The following STAMBP variants were observed in gnomAD, a reference collection of about 807,000 sequenced individuals.
STAMBP encodes the protein STAM binding protein.
Under a neutral mutation model 50.7 loss-of-function variants are expected in STAMBP, and 31 were observed. The observed-to-expected ratio is 0.61, with a 90% confidence interval of 0.46 to 0.83. STAMBP has a LOEUF of 0.83. STAMBP is among the 40% of genes least tolerant of loss of function. The pLI is 0.00. For synonymous variants in STAMBP, 211 were observed against 192.4 expected (o/e 1.10, Z -0.80); for missense variants, 472 against 518.9 (o/e 0.91, Z 0.88).
intron 7 of STAMBP, among the ~76,000 whole-genome samples, chr2:73,854,861 C>T (rs757143447): frequency 6.6e-6 from 1 of 152,048 alleles, no homozygotes; most frequent in Non-Finnish European, 1.5e-5. Flanking sequence ...TGGTGGCACA[C>T]GCCTGTGGTC....
At position 73,849,405 on chromosome 2, in the gene STAMBP, G is replaced by A. The variant is rs141557634; in HGVS notation, c.785G>A (p.Arg262Gln). Reference sequence around the variant, plus strand: ...TTGCGCCATGTGGTGGTGCCTGGGCGGCTGTGCCCACAGTTTCTCCAGTTA... The same window carrying A: ...TTGCGCCATGTGGTGGTGCCTGGGCAGCTGTGCCCACAGTTTCTCCAGTTA... Reference protein sequence around the residue: ...DGLRHVVVPGRLCPQFLQLAS... With the variant: ...DGLRHVVVPGQLCPQFLQLAS... Residue 262 changes from arginine (R) to glutamine (Q), a missense_variant, in exon 6 of 10, where the codon CGG (arginine) becomes CAG (glutamine). By Grantham distance (43) the Arg-to-Gln change is conservative. Transcript: ENST00000394070. 1.2e-4 allele frequency: 195 copies of A among 1,614,022 alleles called. 1 individual carries two copies. Among genetic ancestry groups the A allele is most frequent in the African/African-American group, 1.0e-3 (76 of 75,004 alleles).
chr2:73,837,817 G>A (rs775018678), intron 2 of STAMBP, among the ~76,000 whole-genome samples: 7 of 152,178 alleles, frequency 4.6e-5, no homozygotes, highest in Non-Finnish European at 1.0e-4. Context: ...ATAAGGCTAG[G>A]GAATGAGAAG....
intron 2 of STAMBP, among the ~76,000 whole-genome samples, chr2:73,839,494 T>G (rs1423509997): frequency 6.6e-6 from 1 of 152,188 alleles, no homozygotes; most frequent in Non-Finnish European, 1.5e-5. Context: ...GGATTGGGGT[T>G]TATAGACTGA....
rs1263887028 is a variant in STAMBP at position 73,833,262 on chromosome 2, C to T, written c.203+2203C>T. Among the ~76,000 whole-genome samples the T allele has an allele frequency of 3.3e-5, 5 of 152,196 alleles. No homozygotes were observed. The East Asian group carries it at 9.6e-4, about 29-fold the overall frequency. On this transcript the variant is annotated intron_variant, in intron 2 of 9. Transcript: ENST00000394070. ...GTAACCTAACTCTTATGTTAAGTTA[C>T]AGTTTGTTTATACATTAAATTAGGT...
chr2:73,847,612 G>A lies in STAMBP; in HGVS notation c.601G>A (p.Glu201Lys). 1.2e-6 allele frequency: 2 copies of A among 1,614,196 alleles called. No individual in the cohort carries two copies. The highest frequency in any genetic ancestry group is 8.5e-7 in the Non-Finnish European group (1 of 1,180,032). Residue 201 changes from glutamate to lysine, a missense_variant, in exon 5 of 10, where the codon GAG becomes AAG. Coordinates refer to ENST00000394070, the MANE Select transcript of STAMBP (RefSeq NM_213622.4). ...AGGTGGCCCGCTAGTGCCTGACTTG[G>A]AGAAGCCCTCCTTAGATGTGTTCCC... Reference protein sequence around the residue: ...GLGGPLVPDLEKPSLDVFPTL... With the variant: ...GLGGPLVPDLKKPSLDVFPTL...
At chr2:73,846,412 G>A (rs1295390543) in intron 4 of STAMBP, among the ~76,000 whole-genome samples, 1 of 151,832 alleles carries the variant, frequency 6.6e-6, no homozygotes, top group Non-Finnish European at 1.5e-5. Flanking sequence ...ACCAGCCTGG[G>A]CAACATGGTG....
chr2:73,840,432 A>G (rs1558566332), intron 2 of STAMBP, among the ~76,000 whole-genome samples: 1 of 151,824 alleles, frequency 6.6e-6, no homozygotes, highest in African/African-American at 2.4e-5. Flanking sequence ...TAGAGATAGA[A>G]TTGTGAGTTT....
intron 7 of STAMBP, among the ~76,000 whole-genome samples, chr2:73,855,958 G>A (rs1677499093): frequency 6.6e-6 from 1 of 152,188 alleles, no homozygotes. Context: ...TTTTCTGTCA[G>A]TGAAGGTTGG....
chr2:73,849,258 G>A (rs1167007499), intron 5 of STAMBP, 105 bp from the exon 6 acceptor site: 2 of 1,555,584 alleles, frequency 1.3e-6, no homozygotes, highest in African/African-American at 2.7e-5. Context: ...GAAGTTGGGG[G>A]AATCCCAGTG....
intron 7 of STAMBP, among the ~76,000 whole-genome samples, chr2:73,853,852 C>T (rs534822589): frequency 6.6e-6 from 1 of 152,354 alleles, no homozygotes; most frequent in South Asian, 2.1e-4. Context: ...GTCCTCCCTT[C>T]CTTGCTTCGT....
chr2:73,850,245 G>A lies in STAMBP; in HGVS notation c.868-131G>A, dbSNP rs1257287195. 1.2e-5 allele frequency: 14 copies of A among 1,215,028 alleles called. No individual in the cohort carries two copies. The highest frequency in any genetic ancestry group is 2.5e-5 in the Admixed American group (1 of 39,720). The allele number at this position is 1,215,028 out of a possible 1,614,324, so 75.3% of individuals were successfully genotyped here. A position where few individuals can be genotyped will look rare whatever the true frequency, so the allele number is the denominator to read the frequency against. ...AGCAGCCAAGGTTGTGAACCACTGA[G>A]TGGCAGGACTCCTGCTGTGTGGGAA... On this transcript the variant is annotated intron_variant, in intron 6 of 9. Transcript: ENST00000394070. This position sits in a 1 kb window ranked among gnomAD's most constrained non-coding sequence, Gnocchi z 4.3.
In STAMBP at chr2:73,844,827, A is replaced by G. The variant is rs192721019; in HGVS notation, c.218A>G (p.Lys73Arg). 7.5e-5 allele frequency: 121 copies of G among 1,614,024 alleles called. No individual in the cohort carries two copies. In the East Asian group the frequency reaches 2.5e-3, roughly 33 times the overall value. Residue 73 changes from lysine to arginine, a missense_variant, in exon 3 of 10, where the codon AAA becomes AGA. Physicochemically the swap from Lys to Arg is conservative, Grantham distance 26 (BLOSUM62 2). Coordinates refer to ENST00000394070, the MANE Select transcript of STAMBP (RefSeq NM_213622.4). The stretch of plus-strand genomic sequence containing the variant: ...TGTTTCCTTAGGCTCTTTATTGAGA[A>G]ACTACCAAAACATCGAGATTACAAA... ...YNKYITLFIE[K>R]LPKHRDYKSA... is the part of the protein sequence containing the mutation.
chr2:73,843,414 A>G lies in STAMBP; in HGVS notation c.204-1399A>G, dbSNP rs1301980209. 2.9e-5 allele frequency among the ~76,000 whole-genome samples: 4 copies of G among 138,166 alleles called. No individual in the cohort carries two copies. In the East Asian group the frequency reaches 8.7e-4, roughly 30 times the overall value. 90.6% of individuals were successfully genotyped at this position (138,166 alleles called of 152,430 possible). ...TATATATGTTTGTGTATGTATATAT[A>G]TATATGTATATATATATATAAATTA... On this transcript the variant is annotated intron_variant, in intron 2 of 9. Coordinates refer to ENST00000394070, the MANE Select transcript of STAMBP (RefSeq NM_213622.4).
At chr2:73,844,370 G>A (rs1207887735) in intron 2 of STAMBP, among the ~76,000 whole-genome samples, 1 of 152,186 alleles carries the variant, frequency 6.6e-6, no homozygotes, top group Non-Finnish European at 1.5e-5. Context: ...AAAGTTAAAG[G>A]TTACATAAGA....
At chr2:73,843,406 G>GTATATATATATATATATATATATATATA (rs773798563) in intron 2 of STAMBP, among the ~76,000 whole-genome samples, 23 of 129,926 alleles carry the variant, frequency 1.8e-4, no homozygotes, top group African/African-American at 7.3e-4. Context: ...GTTTGTGTAT[G>GTATATATATATATATATATATATATATA]TATATATATA....
intron 7 of STAMBP, among the ~76,000 whole-genome samples, chr2:73,851,860 G>A (rs373336024): frequency 6.6e-6 from 1 of 151,916 alleles, no homozygotes; most frequent in Non-Finnish European, 1.5e-5. Flanking sequence ...GACTGGTCTC[G>A]AACTACTGAT....
At position 73,850,332 on chromosome 2, in the gene STAMBP, A is replaced by C. The variant is rs142082327; in HGVS notation, c.868-44A>C. The C allele has an allele frequency of 1.9e-6, 3 of 1,580,658 alleles. No homozygotes were observed. The highest frequency in any genetic ancestry group is 2.7e-5 in the African/African-American group (2 of 74,026). On this transcript the variant is annotated intron_variant, in intron 6 of 9. Coordinates refer to ENST00000394070, the MANE Select transcript of STAMBP (RefSeq NM_213622.4). The surrounding 1 kb of genome is among the most constrained non-coding windows in gnomAD (Gnocchi z 4.3). The stretch of plus-strand genomic sequence containing the variant: ...TCGGGATGGAGTGGAGCAGGGTTGC[A>C]TGAGCACCAGGGAATTGTGACCAGC...
Position 73,847,555 on chromosome 2 carries a change from G to T in STAMBP, c.544G>T (p.Val182Leu). 1 of 1,614,158 alleles carries T rather than the reference G, an allele frequency of 6.2e-7. No homozygotes were observed. Among genetic ancestry groups the T allele is most frequent in the Non-Finnish European group, 8.5e-7 (1 of 1,180,034 alleles). The change falls in exon 5 of 10, where the codon GTA (valine) becomes TTA (leucine). Residue 182 changes from valine to leucine, a missense_variant. Physicochemically the swap from Val to Leu is conservative, Grantham distance 32. Coordinates refer to ENST00000394070, the MANE Select transcript of STAMBP (RefSeq NM_213622.4). Reference sequence around the variant, plus strand: ...GCTAGAAAAAGAGCGACTGAAAATTGTACAGGAGTTTGGGAAGGTAGACCC... The same window carrying T: ...GCTAGAAAAAGAGCGACTGAAAATTTTACAGGAGTTTGGGAAGGTAGACCC... ...QELEKERLKI[V>L]QEFGKVDPGL...
intron 2 of STAMBP, among the ~76,000 whole-genome samples, chr2:73,840,973 C>T (rs2104392687): frequency 6.6e-6 from 1 of 152,230 alleles, no homozygotes; most frequent in South Asian, 2.1e-4. Flanking sequence ...AACCTTTACG[C>T]CTTTGCCAAT....
Sources: allele counts gnomAD v4.1 joint callset (sites outside exome capture counted in the v4.1 genomes callset), GRCh38; gene constraint gnomAD v4.1.1; non-coding constraint Gnocchi (gnomAD v3.1); transcripts MANE v1.5; gene names NCBI Gene and HGNC (gene_info 2026-07-23, HGNC 2026-07-21).